Variants in NEBL observed in about 807,000 individuals in gnomAD.
The protein encoded by NEBL is nebulette.
Under a neutral mutation model 140.2 loss-of-function variants are expected in NEBL, and 122 were observed. That is an observed-to-expected ratio of 0.87 (90% CI 0.75 to 1.01). The LOEUF is 1.01. Ranked by LOEUF, NEBL falls within the 50% of genes least tolerant of loss-of-function variation. The probability of loss-of-function intolerance (pLI) is 0.00; values close to 1 mark genes in which losing one functional copy is unlikely to be tolerated. For missense variants in NEBL, 1,365 were observed against 1,231.3 expected (o/e 1.11, Z -1.62); for synonymous variants, 436 against 398.9 (o/e 1.09, Z -1.11).
chr10:20,889,233 C>T (rs915896568), intron 3 of NEBL, among the ~76,000 whole-genome samples: 3 of 152,146 alleles, frequency 2.0e-5, no homozygotes, highest in Non-Finnish European at 4.4e-5. Flanking sequence ...AAATCATCAT[C>T]GTTAACATTG....
At chr10:21,006,820 G>A (rs1838156666) in intron 3 of NEBL, among the ~76,000 whole-genome samples, 1 of 152,100 alleles carries the variant, frequency 6.6e-6, no homozygotes, top group Admixed American at 6.5e-5. Context: ...GCTTTTTTTG[G>A]AGAAGTCTTC....
intron 1 of NEBL, among the ~76,000 whole-genome samples, chr10:21,281,906 G>A (rs912677115): frequency 2.6e-5 from 4 of 152,158 alleles, no homozygotes; most frequent in Admixed American, 2.6e-4. Context: ...AGAATGTCAT[G>A]TAACTTTTCC....
At chr10:21,161,681 G>A (rs1037641384) in intron 2 of NEBL, among the ~76,000 whole-genome samples, 4 of 151,880 alleles carry the variant, frequency 2.6e-5, no homozygotes, top group Non-Finnish European at 5.9e-5. Context: ...AACTTCTATT[G>A]ACTGACTGGG....
intron 3 of NEBL, among the ~76,000 whole-genome samples, chr10:20,965,091 A>C (rs1836240102): frequency 6.6e-6 from 1 of 152,226 alleles, no homozygotes; most frequent in African/African-American, 2.4e-5. Flanking sequence ...AGGAAAGAGC[A>C]TTGCTTTCAT....
chr10:20,821,977 T>C (rs185428162), intron 19 of NEBL, among the ~76,000 whole-genome samples: 143 of 152,354 alleles, frequency 9.4e-4, no homozygotes, highest in Middle Eastern at 3.4e-3. Flanking sequence ...ACTCCAACGT[T>C]ACCCCTTCCC....
At chr10:21,171,350 G>A (rs112340187) in intron 2 of NEBL, among the ~76,000 whole-genome samples, 2,889 of 80,258 alleles carry the variant, frequency 0.036, 68 homozygotes, top group East Asian at 0.21. Flanking sequence ...AAAAAAAAAA[G>A]AAAAAAAAAA....
chr10:20,792,091 T>C (rs1308570408), intron 26 of NEBL, among the ~76,000 whole-genome samples: 5 of 127,130 alleles, frequency 3.9e-5, no homozygotes, highest in Admixed American at 8.8e-5. Flanking sequence ...TCAATGACTA[T>C]AGAGATACAG....
chr10:20,882,003 C>G (rs1846051849), intron 4 of NEBL, among the ~76,000 whole-genome samples: 2 of 152,048 alleles, frequency 1.3e-5, no homozygotes, highest in African/African-American at 2.4e-5. Context: ...CAAAGTGAGG[C>G]TCCCATCTCT....
chr10:20,826,758 C>A (rs1839918629), intron 17 of NEBL, among the ~76,000 whole-genome samples: 1 of 152,186 alleles, frequency 6.6e-6, no homozygotes, highest in Non-Finnish European at 1.5e-5. Flanking sequence ...CTCTCCTGCT[C>A]TAGGTCTAGA....
intron 3 of NEBL, among the ~76,000 whole-genome samples, chr10:21,194,859 G>A (rs73609229): frequency 3.0e-3 from 443 of 146,930 alleles, no homozygotes; most frequent in African/African-American, 9.9e-3. Context: ...ACAGAGCTAT[G>A]TAGTCAGATG....
chr10:21,171,891 C>A, intron 2 of NEBL: 1 of 192,062 alleles, frequency 5.2e-6, no homozygotes, highest in Non-Finnish European at 1.1e-5. Flanking sequence ...GTTCCATTCT[C>A]CAAACCATTC....
At chr10:20,983,809 G>A (rs754788463) in intron 3 of NEBL, among the ~76,000 whole-genome samples, 6 of 152,172 alleles carry the variant, frequency 3.9e-5, no homozygotes, top group Admixed American at 6.5e-5. Flanking sequence ...GTACAATAAG[G>A]AAAAATGGCT....
intron 3 of NEBL, among the ~76,000 whole-genome samples, chr10:20,983,359 G>A (rs958080115): frequency 2.0e-5 from 3 of 152,172 alleles, no homozygotes; most frequent in Non-Finnish European, 2.9e-5. Context: ...AAACTTCAAC[G>A]CAAAAGTATG....
chr10:20,840,096 C>T (rs1300608068), intron 13 of NEBL, among the ~76,000 whole-genome samples: 3 of 152,124 alleles, frequency 2.0e-5, no homozygotes, highest in Non-Finnish European at 2.9e-5. Flanking sequence ...CCATCACCAT[C>T]GTCATCGCTA....
intron 3 of NEBL, among the ~76,000 whole-genome samples, chr10:21,218,569 A>G (rs563131858): frequency 6.6e-6 from 1 of 152,242 alleles, no homozygotes; most frequent in Admixed American, 6.5e-5. Flanking sequence ...GAAAAAATGC[A>G]GGAGTGTTGA....
intron 4 of NEBL, among the ~76,000 whole-genome samples, chr10:20,906,982 C>T (rs1848119960): frequency 6.6e-6 from 1 of 152,084 alleles, no homozygotes; most frequent in African/African-American, 2.4e-5. Context: ...TGTATTTGAA[C>T]TTCACAGTTA....
At chr10:20,967,365 C>T (rs976242508) in intron 3 of NEBL, among the ~76,000 whole-genome samples, 2 of 152,172 alleles carry the variant, frequency 1.3e-5, no homozygotes, top group African/African-American at 2.4e-5. Flanking sequence ...TGGTGGCTCA[C>T]GCCTGTGATC....
intron 7 of NEBL, among the ~76,000 whole-genome samples, chr10:20,865,895 A>T (rs1171095982): frequency 3.9e-5 from 6 of 152,112 alleles, no homozygotes; most frequent in Admixed American, 3.9e-4. Flanking sequence ...ACTGTCACAG[A>T]GTCTATTCAG....
At chr10:21,048,029 T>G (rs1834596196) in intron 2 of NEBL, among the ~76,000 whole-genome samples, 2 of 152,212 alleles carry the variant, frequency 1.3e-5, no homozygotes, top group South Asian at 4.1e-4. Context: ...GAATCCACCC[T>G]TCTGCACATC....
Sources: allele counts gnomAD v4.1 joint callset (sites outside exome capture counted in the v4.1 genomes callset), GRCh38; gene constraint gnomAD v4.1.1; transcripts MANE v1.5; gene names NCBI Gene and HGNC (gene_info 2026-07-23, HGNC 2026-07-21).